The following ZNF696 variants were observed in gnomAD, a reference collection of about 807,000 sequenced individuals.
ZNF696 encodes zinc finger protein 696.
In ZNF696, 10 loss-of-function variants were observed where a neutral mutation model predicts 12.3. The observed-to-expected ratio is 0.81, with a 90% confidence interval of 0.50 to 1.38. ZNF696 has a LOEUF of 1.38. Among genes scored for constraint, ZNF696 ranks in the 40% most tolerant of loss-of-function variants. The pLI, the probability that ZNF696 is intolerant of heterozygous loss-of-function variation, is 0.00. For synonymous variants in ZNF696, 304 were observed against 243.9 expected, an observed-to-expected ratio of 1.25 and a Z score of -2.29; for missense variants, 675 against 554.7, an observed-to-expected ratio of 1.22 and a Z score of -2.18.
intron 2 of ZNF696, among the ~76,000 whole-genome samples, chr8:143,295,174 C>T (rs7387952): frequency 0.41 from 61,943 of 151,690 alleles, 14,889 homozygotes; most frequent in East Asian, 0.69. Flanking sequence ...ACATCTGCCT[C>T]GCTCCCGTCC....
In ZNF696 at chr8:143,297,774, G is replaced by A. The variant is rs1350777236; in HGVS notation, c.*974G>A. The A allele has an allele frequency of 1.3e-5, 2 of 152,170 alleles. No individual in the cohort carries two copies. The highest frequency in any genetic ancestry group is 2.4e-5 in the African/African-American group (1 of 41,438). 9.4% of individuals were successfully genotyped at this position (152,170 alleles called of 1,614,324 possible). A position where few individuals can be genotyped will look rare whatever the true frequency, so the allele number is the denominator to read the frequency against. On this transcript the variant is annotated 3_prime_UTR_variant, in exon 3 of 3. Coordinates refer to ENST00000330143, the MANE Select transcript of ZNF696 (RefSeq NM_030895.3). ...ACCCTGTGGGTTCTGCACTAGCTCCGGGCAATTGGTGACAGAATCGAGTTA... is the reference window on the plus strand; with the variant it reads ...ACCCTGTGGGTTCTGCACTAGCTCCAGGCAATTGGTGACAGAATCGAGTTA...
Position 143,299,669 on chromosome 8 carries a change from G to T in ZNF696, c.*2869G>T, listed in dbSNP as rs753142502. Among the ~76,000 whole-genome samples, 30 of 152,146 alleles carry T rather than the reference G, an allele frequency of 2.0e-4. No homozygotes were observed. Among genetic ancestry groups the T allele is most frequent in the Non-Finnish European group, 3.2e-4 (22 of 68,026 alleles). On this transcript the variant is annotated 3_prime_UTR_variant, in exon 3 of 3. Coordinates refer to ENST00000330143, the MANE Select transcript of ZNF696 (RefSeq NM_030895.3). ...CAAACTTCTGTCAATTAAAAAATAA[G>T]AACGAAATCAGGCTGGGCCTGAGCG...
chr8:143,295,547 TG>T, intron 2 of ZNF696, 192 bp from the exon 3 acceptor site: 2 of 681,618 alleles, frequency 2.9e-6, no homozygotes, highest in East Asian at 5.6e-5. Context: ...CTCATAACCA[TG>T]GGGGTTAAGA....
chr8:143,296,719 GT>G lies in ZNF696; in HGVS notation c.1046del (p.Phe349SerfsTer12), dbSNP rs1262246958. 3 of 1,547,818 alleles carry G rather than the reference GT, an allele frequency of 1.9e-6. No individual in the cohort carries two copies. The African/African-American group carries it at 4.2e-5, about 22-fold the overall frequency. ...AGCGACTCCACACGGGCGAGAAGCCGTTCCGCTGCACCGAGTGCGGCCGCGC... is the reference window on the plus strand; with the variant it reads ...AGCGACTCCACACGGGCGAGAAGCCGTCCGCTGCACCGAGTGCGGCCGCGC... ...HQRLHTGEKP[F>X]RCTECGRAFR... On this transcript the variant is annotated frameshift_variant, in exon 3 of 3. Transcript: ENST00000330143. LOFTEE classifies it high-confidence loss of function.
rs1046765880 is a variant in ZNF696 at position 143,293,418 on chromosome 8, C to T, written c.64+353C>T. 3.9e-5 allele frequency: 16 copies of T among 411,528 alleles called. No homozygotes were observed. In the Admixed American group the frequency reaches 5.7e-4, roughly 15 times the overall value. 25.5% of individuals were successfully genotyped at this position (411,528 alleles called of 1,614,324 possible). ...GTTGTAGGACGTTCGGCAGCACCCT[C>T]GCCTCTGCCCACTTGGTGTCAGTAG... is the stretch of plus-strand genomic sequence containing the variant. On this transcript the variant is annotated intron_variant, in intron 2 of 2. Coordinates refer to ENST00000330143, the MANE Select transcript of ZNF696 (RefSeq NM_030895.3).
At position 143,296,184 on chromosome 8, in the gene ZNF696, G is replaced by C; in HGVS notation, c.509G>C (p.Arg170Pro). The C allele has an allele frequency of 6.3e-7, 1 of 1,599,796 alleles. No individual in the cohort carries two copies. Among genetic ancestry groups the C allele is most frequent in the African/African-American group, 1.3e-5 (1 of 74,870 alleles). The change falls in exon 3 of 3, where the codon CGG (arginine) becomes CCG (proline). Residue 170 changes from arginine (R) to proline (P), a missense_variant. Arg to Pro is a moderately radical substitution (Grantham distance 103). Transcript: ENST00000330143. Reference protein sequence around the residue: ...KAFIHSSHVVRHQRAHSGERP... With the variant: ...KAFIHSSHVVPHQRAHSGERP... ...TTCATCCACAGCTCGCACGTGGTCCGGCACCAGCGGGCGCACAGCGGGGAG... is the reference window on the plus strand; with the variant it reads ...TTCATCCACAGCTCGCACGTGGTCCCGCACCAGCGGGCGCACAGCGGGGAG...
rs755485062 is a variant in ZNF696, at chr8:143,296,776, C to G, written c.1101C>G (p.His367Gln). The change falls in exon 3 of 3, where the codon CAC becomes CAG. Residue 367 changes from histidine (H) to glutamine (Q), a missense_variant. By Grantham distance (24) the His-to-Gln change is conservative (BLOSUM62 0). Transcript: ENST00000330143. ...AFRLSFHLIQ[H>Q]RRVHGAE ...GCCTGAGCTTCCACCTCATCCAGCA[C>G]CGGCGGGTGCATGGCGCCGAGTGAG... 5 of 1,433,978 alleles carry G rather than the reference C, an allele frequency of 3.5e-6. No homozygotes were observed. In the Admixed American group the frequency reaches 1.4e-4, roughly 41 times the overall value. 88.8% of individuals were successfully genotyped at this position (1,433,978 alleles called of 1,614,324 possible). A position where few individuals can be genotyped will look rare whatever the true frequency, so the allele number is the denominator to read the frequency against.
chr8:143,295,491 C>A (rs961966744), intron 2 of ZNF696: 4 of 688,434 alleles, frequency 5.8e-6, no homozygotes, highest in Non-Finnish European at 1.1e-5. Flanking sequence ...CCACATCCGG[C>A]CCCACAGCCC....
chr8:143,294,734 G>A (rs1330800862), intron 2 of ZNF696, among the ~76,000 whole-genome samples: 1 of 152,082 alleles, frequency 6.6e-6, no homozygotes, highest in Non-Finnish European at 1.5e-5. Context: ...TTAGAGTTTG[G>A]TGTTTGGGGG....
chr8:143,294,394 T>TC (rs916123671), intron 2 of ZNF696, among the ~76,000 whole-genome samples: 8 of 151,222 alleles, frequency 5.3e-5, no homozygotes, highest in South Asian at 4.2e-4. Context: ...TCTTTTCTTT[T>TC]TTTTTTTTTT....
At chr8:143,294,710 C>T (rs1227350118) in intron 2 of ZNF696, among the ~76,000 whole-genome samples, 4 of 152,190 alleles carry the variant, frequency 2.6e-5, no homozygotes, top group East Asian at 3.9e-4. Flanking sequence ...CCTGTTTGCA[C>T]ATAACAGAAG....
At position 143,296,841 on chromosome 8, in the gene ZNF696, C is replaced by G. The variant is rs1433536843; in HGVS notation, c.*41C>G. On this transcript the variant is annotated 3_prime_UTR_variant, in exon 3 of 3. Transcript: ENST00000330143. ...GAAGAGATGCCGGCGGCCTGGTGGG[C>G]GCGAGGCCGAGGCCGGGGGAGGCTC... 4 of 1,366,402 alleles carry G rather than the reference C, an allele frequency of 2.9e-6. No homozygotes were observed. The highest frequency in any genetic ancestry group is 2.8e-6 in the Non-Finnish European group (3 of 1,065,404). 84.6% of individuals were successfully genotyped at this position (1,366,402 alleles called of 1,614,324 possible).
Position 143,296,860 on chromosome 8 carries a change from G to A in ZNF696, c.*60G>A, listed in dbSNP as rs995790213. The stretch of plus-strand genomic sequence containing the variant: ...GGTGGGCGCGAGGCCGAGGCCGGGG[G>A]AGGCTCCTGTCCGCCCCGTGCGCGG... On this transcript the variant is annotated 3_prime_UTR_variant, in exon 3 of 3. Coordinates refer to ENST00000330143, the MANE Select transcript of ZNF696 (RefSeq NM_030895.3). The A allele has an allele frequency of 1.9e-5, 25 of 1,342,980 alleles. No individual in the cohort carries two copies. In the African/African-American group the frequency reaches 3.4e-4, roughly 18 times the overall value. 83.2% of individuals were successfully genotyped at this position (1,342,980 alleles called of 1,614,324 possible).
In ZNF696 at chr8:143,293,308, G is replaced by A. The variant is rs184871955; in HGVS notation, c.64+243G>A. ...TGGCAGCCCCAGGCTCTGCCTCTGG[G>A]AAGGTCTCTCTCTCAGTGCTTCTCC... On this transcript the variant is annotated intron_variant, in intron 2 of 2. Coordinates refer to ENST00000330143, the MANE Select transcript of ZNF696 (RefSeq NM_030895.3). 247 of 578,494 alleles carry A rather than the reference G, an allele frequency of 4.3e-4. No individual in the cohort carries two copies. In the African/African-American group the frequency reaches 4.4e-3, roughly 10 times the overall value. 35.8% of individuals were successfully genotyped at this position (578,494 alleles called of 1,614,324 possible). A position where few individuals can be genotyped will look rare whatever the true frequency, so the allele number is the denominator to read the frequency against.
chr8:143,296,372 G>A lies in ZNF696; in HGVS notation c.697G>A (p.Gly233Arg). 6.3e-7 allele frequency: 1 copy of A among 1,594,506 alleles called. No individual in the cohort carries two copies. Among genetic ancestry groups the A allele is most frequent in the Non-Finnish European group, 8.5e-7 (1 of 1,173,894 alleles). The change falls in exon 3 of 3, where the codon GGG (glycine) becomes AGG (arginine). Residue 233 changes from glycine (G) to arginine (R), a missense_variant. Transcript: ENST00000330143. Reference protein sequence around the residue: ...DAAKHRRTHTGERLYACGECG... With the variant: ...DAAKHRRTHTRERLYACGECG... ...CGCCAAGCACCGCCGCACCCACACC[G>A]GGGAGAGGCTGTACGCGTGCGGCGA...
chr8:143,293,244 G>A (rs1815654977), intron 2 of ZNF696, 179 bp downstream of exon 2: 1 of 600,410 alleles, frequency 1.7e-6, no homozygotes, highest in South Asian at 2.1e-5. Context: ...TTTGGTGACT[G>A]TCTTTGCCAG....
rs756024838 is a variant in ZNF696 at position 143,296,438 on chromosome 8, C to T, written c.763C>T (p.His255Tyr). ...RFLHSSNVVR[H>Y]RRTHHGENPY... ...CCTGCACAGCTCGAACGTGGTCCGG[C>T]ACCGGCGGACCCACCACGGGGAGAA... The change falls in exon 3 of 3, where the codon CAC (histidine) becomes TAC (tyrosine). Residue 255 changes from histidine to tyrosine, a missense_variant. By Grantham distance (83) the His-to-Tyr change is moderately conservative. Transcript: ENST00000330143. 7.5e-6 allele frequency: 12 copies of T among 1,606,278 alleles called. No individual in the cohort carries two copies. The Admixed American group carries it at 1.8e-4, about 25-fold the overall frequency.
chr8:143,298,368 C>G lies in ZNF696; in HGVS notation c.*1568C>G, dbSNP rs550729451. On this transcript the variant is annotated 3_prime_UTR_variant, in exon 3 of 3. Transcript: ENST00000330143. ...CTCAGAATGGATTTGGTGGCCCCACCGTTAATTAAGCTCCTGACCCCTGGG... is the reference window on the plus strand; with the variant it reads ...CTCAGAATGGATTTGGTGGCCCCACGGTTAATTAAGCTCCTGACCCCTGGG... 2.6e-5 allele frequency among the ~76,000 whole-genome samples: 4 copies of G among 152,232 alleles called. No individual in the cohort carries two copies. The highest frequency in any genetic ancestry group is 2.6e-4 in the Admixed American group (4 of 15,298).
chr8:143,295,547 T>C (rs1815693240), intron 2 of ZNF696, 193 bp from the exon 3 acceptor site: 5 of 681,506 alleles, frequency 7.3e-6, no homozygotes, highest in Non-Finnish European at 1.0e-5. Context: ...CTCATAACCA[T>C]GGGGGTTAAG....
Sources: gnomAD v4.1 joint callset for allele counts (sites outside exome capture counted in the v4.1 genomes callset) on GRCh38, gnomAD v4.1.1 for gene constraint, MANE v1.5 for transcripts, NCBI Gene and HGNC (gene_info 2026-07-23, HGNC 2026-07-21) for gene names.